DUOX1: variants seen among roughly 807,000 people sequenced by gnomAD.
DUOX1 encodes dual oxidase 1, also known as NADPH thyroid oxidase 1.
Under a neutral mutation model 181.8 loss-of-function variants are expected in DUOX1, and 134 were observed. That is an observed-to-expected ratio of 0.74 (90% CI 0.64 to 0.85). The LOEUF (loss-of-function observed/expected upper bound fraction) is 0.85, where lower values mean the gene tolerates loss of function less well. Among genes scored for constraint, DUOX1 ranks in the 40% least tolerant of loss-of-function variants. The pLI, the probability that DUOX1 is intolerant of heterozygous loss-of-function variation, is 0.00. For synonymous variants in DUOX1, 798 were observed against 832.5 expected (o/e 0.96, Z 0.71); for missense variants, 1,814 against 2,064.4 (o/e 0.88, Z 2.35).
At chr15:45,159,363 G>C (rs542077268) in intron 28 of DUOX1, among the ~76,000 whole-genome samples, 2 of 152,348 alleles carry the variant, frequency 1.3e-5, no homozygotes, top group African/African-American at 4.8e-5. Context: ...TGGAAAGCGA[G>C]TGGCCCAAAG....
rs79034892 is a variant in DUOX1 at position 45,131,802 on chromosome 15, T to C, written c.-49-116T>C. The C allele has an allele frequency of 4.1e-3, 2,891 of 699,400 alleles. 25 individuals carry two copies. Among genetic ancestry groups the C allele is most frequent in the African/African-American group, 0.03 (1,657 of 56,118 alleles). The allele number at this position is 699,400 out of a possible 1,614,324, so 43.3% of individuals were successfully genotyped here. On this transcript the variant is annotated intron_variant, in intron 1 of 33. Transcript: ENST00000389037. ...TCGGAAAGAGTGAGTCTCTTGAACT[T>C]TGCTACCTACTGTGACCTTGGCCCA...
rs552592724 is a variant in DUOX1, at chr15:45,164,646, A to C, written c.4534-133A>C. On this transcript the variant is annotated intron_variant, in intron 33 of 33. Coordinates refer to ENST00000389037, the MANE Select transcript of DUOX1 (RefSeq NM_175940.3). ...ACTATGCCTGGCTAATTAAAAATAA[A>C]AAAATTAGAGTCAGGGATGTTGCTA... The C allele has an allele frequency of 4.0e-6, 4 of 989,736 alleles. No homozygotes were observed. The East Asian group carries it at 9.6e-5, about 24-fold the overall frequency. The allele number at this position is 989,736 out of a possible 1,614,324, so 61.3% of individuals were successfully genotyped here.
At chr15:45,152,719 G>C in intron 25 of DUOX1, 1 of 610,882 alleles carries the variant, frequency 1.6e-6, no homozygotes, top group Non-Finnish European at 2.9e-6. Context: ...ACTTTCCAGG[G>C]CGCCTCACCA....
At chr15:45,135,421 C>T (rs1896276486) in intron 5 of DUOX1, 53 bp from the exon 6 acceptor site, 1 of 1,530,146 alleles carries the variant, frequency 6.5e-7, no homozygotes, top group South Asian at 1.2e-5. Flanking sequence ...CCCCGGCCTT[C>T]CCTAGCTCGC....
chr15:45,134,051 T>G, intron 3 of DUOX1, 94 bp from the exon 4 acceptor site: 1 of 1,557,220 alleles, frequency 6.4e-7, no homozygotes. Flanking sequence ...ATTTCCAAGG[T>G]TTTAGGATCC....
chr15:45,133,904 T>C lies in DUOX1; in HGVS notation c.99T>C (p.Asp33=). The change falls in exon 3 of 34, where the codon GAT becomes GAC. Residue 33 remains aspartate, a synonymous_variant. Coordinates refer to ENST00000389037, the MANE Select transcript of DUOX1 (RefSeq NM_175940.3). ...NPISWEVQRF[D]GWYNNLMEHR... ...TTTCGTGGGAGGTGCAGCGATTTGA[T>C]GGGTGGTACAACAACCTCATGGAGC... is the stretch of plus-strand genomic sequence containing the variant. 2 of 1,613,922 alleles carry C rather than the reference T, an allele frequency of 1.2e-6. No homozygotes were observed. The highest frequency in any genetic ancestry group is 1.7e-6 in the Non-Finnish European group (2 of 1,179,944).
At chr15:45,147,323 AG>A in intron 18 of DUOX1, 109 bp from the exon 19 acceptor site, 1 of 1,406,986 alleles carries the variant, frequency 7.1e-7, no homozygotes, top group Non-Finnish European at 9.6e-7. Context: ...CTCCTAGCAG[AG>A]GGGGTCCTGG....
rs752752089 is a variant in DUOX1, at chr15:45,152,431, A to C, written c.3339A>C (p.Arg1113=). The change falls in exon 25 of 34, where the codon CGA becomes CGC. Residue 1113 remains arginine (R), a synonymous_variant. Coordinates refer to ENST00000389037, the MANE Select transcript of DUOX1 (RefSeq NM_175940.3). ...GCCGCAACCTCATCACCTTCCTGCG[A>C]GAAACCTTCCTCAACCGCTACGTGC... ...TMCRNLITFL[R]ETFLNRYVPF... 6.2e-7 allele frequency: 1 copy of C among 1,614,184 alleles called. No individual in the cohort carries two copies. The highest frequency in any genetic ancestry group is 2.2e-5 in the East Asian group (1 of 44,878).
intron 1 of DUOX1, among the ~76,000 whole-genome samples, chr15:45,131,146 A>G (rs1896127816): frequency 6.6e-6 from 1 of 152,014 alleles, no homozygotes. Flanking sequence ...CCTAACCCCA[A>G]TCTCCAGGTT....
At position 45,131,938 on chromosome 15, in the gene DUOX1, C is replaced by G. The variant is rs747547546; in HGVS notation, c.-29C>G. ...TCTAGGGTCTCCATTTTGGGACATT[C>G]TAATCCCTGAGCCCCTATTATTTTC... On this transcript the variant is annotated 5_prime_UTR_variant, in exon 2 of 34. Transcript: ENST00000389037. 2 of 1,612,972 alleles carry G rather than the reference C, an allele frequency of 1.2e-6. No individual in the cohort carries two copies. Among genetic ancestry groups the G allele is most frequent in the East Asian group, 4.5e-5 (2 of 44,880 alleles).
chr15:45,156,014 A>C, intron 28 of DUOX1, 85 bp downstream of exon 28: 1 of 1,563,626 alleles, frequency 6.4e-7, no homozygotes, highest in Non-Finnish European at 8.8e-7. Context: ...ACATTCATTC[A>C]ATTTCTAGCT....
chr15:45,163,479 G>A, intron 31 of DUOX1, 53 bp from the exon 32 acceptor site: 3 of 1,609,194 alleles, frequency 1.9e-6, no homozygotes, highest in Non-Finnish European at 2.5e-6. Context: ...CACCCCTGGG[G>A]TTTAGGGAGA....
chr15:45,137,694 A>C (rs992942832), intron 9 of DUOX1, among the ~76,000 whole-genome samples: 1 of 152,104 alleles, frequency 6.6e-6, no homozygotes, highest in African/African-American at 2.4e-5. Flanking sequence ...AGTCAGAGAG[A>C]GAGTGTGTGT....
chr15:45,137,844 C>A (rs1896367611), intron 9 of DUOX1, 80 bp from the exon 10 acceptor site: 3 of 1,150,144 alleles, frequency 2.6e-6, no homozygotes, highest in Non-Finnish European at 3.7e-6. Context: ...TCCCTGGATA[C>A]CGCCTCAGAG....
rs778380031 is a variant in DUOX1 at position 45,135,483 on chromosome 15, G to T, written c.505G>T (p.Val169Leu). 1 of 1,553,976 alleles carries T rather than the reference G, an allele frequency of 6.4e-7. No homozygotes were observed. Among genetic ancestry groups the T allele is most frequent in the South Asian group, 1.2e-5 (1 of 84,410 alleles). Residue 169 changes from valine to leucine, a missense_variant, in exon 6 of 34, where the codon GTG becomes TTG. Transcript: ENST00000389037. ...GCCGCGTGCCCCGCAGGCCAACCAGGTGACGGGCTGGCTGGACGGCAGCGC... is the reference window on the plus strand; with the variant it reads ...GCCGCGTGCCCCGCAGGCCAACCAGTTGACGGGCTGGCTGGACGGCAGCGC... ...PSNPRDPANQ[V>L]TGWLDGSAIY...
intron 31 of DUOX1, among the ~76,000 whole-genome samples, chr15:45,162,771 G>A (rs2141312363): frequency 6.6e-6 from 1 of 152,388 alleles, no homozygotes; most frequent in East Asian, 1.9e-4. Flanking sequence ...TGGAGCACAA[G>A]TGAAACTGGC....
Position 45,148,289 on chromosome 15 carries a change from C to T in DUOX1, c.2660C>T (p.Ser887Phe). The change falls in exon 21 of 34, where the codon TCC becomes TTC. Residue 887 changes from serine to phenylalanine, a missense_variant. Ser to Phe is a radical substitution (Grantham distance 155). Transcript: ENST00000389037. The stretch of plus-strand genomic sequence containing the variant: ...AACCCCAGATCCTTCATCGAGATCT[C>T]CAACAACTGCCTGTCCAAGGCCCAG... ...IRMLRSFIEI[S>F]NNCLSKAQLA... 6.2e-7 allele frequency: 1 copy of T among 1,614,170 alleles called. No individual in the cohort carries two copies.
Position 45,143,228 on chromosome 15 carries a change from A to T in DUOX1, c.1861A>T (p.Met621Leu). 6.2e-7 allele frequency: 1 copy of T among 1,614,070 alleles called. No individual in the cohort carries two copies. The highest frequency in any genetic ancestry group is 1.3e-5 in the African/African-American group (1 of 75,006). Residue 621 changes from methionine (M) to leucine (L), a missense_variant, in exon 16 of 34, where the codon ATG becomes TTG. By Grantham distance (15) the Met-to-Leu change is conservative. Transcript: ENST00000389037. ...TGCCTGGATTGTTGCCCGGCTCCGG[A>T]TGAGAAATTTCAAGAGGCTCCAGGG... is the stretch of plus-strand genomic sequence containing the variant. ...LSAWIVARLR[M>L]RNFKRLQGQD...
Position 45,164,061 on chromosome 15 carries a change from AG to A in DUOX1, c.4533+145del, listed in dbSNP as rs1897170743. On this transcript the variant is annotated intron_variant, in intron 33 of 33. Transcript: ENST00000389037. ...AGATTGGTGGGGTAATGGAATGGAA[AG>A]GATAGGTGGGTGTCACCCTTAGGTG... 42 of 1,322,038 alleles carry A rather than the reference AG, an allele frequency of 3.2e-5. 1 individual carries two copies. In the East Asian group the frequency reaches 1.0e-3, roughly 31 times the overall value. The allele number at this position is 1,322,038 out of a possible 1,614,324, so 81.9% of individuals were successfully genotyped here.
Sources: gnomAD v4.1 joint callset for allele counts (sites outside exome capture counted in the v4.1 genomes callset) on GRCh38, gnomAD v4.1.1 for gene constraint, MANE v1.5 for transcripts, NCBI Gene and HGNC (gene_info 2026-07-23, HGNC 2026-07-21) for gene names.